TYW1B: variants seen among roughly 807,000 people sequenced by gnomAD.
The protein encoded by TYW1B is S-adenosyl-L-methionine-dependent tRNA 4-demethylwyosine synthase TYW1B.
Under a neutral mutation model 86.9 loss-of-function variants are expected in TYW1B, and 73 were observed. The observed-to-expected ratio is 0.84, with a 90% CI of 0.70 to 1.02. The LOEUF is 1.02. Ranked by LOEUF, TYW1B falls within the 50% of genes least tolerant of loss-of-function variation. The probability of loss-of-function intolerance (pLI) is 0.00; values close to 1 mark genes in which losing one functional copy is unlikely to be tolerated. For synonymous variants in TYW1B, 248 were observed against 292.8 expected (o/e 0.85, Z 1.56); for missense variants, 637 against 827.4 (o/e 0.77, Z 2.82).
chr7:72,815,292 G>C, intron 3 of TYW1B, 88 bp downstream of exon 3: 1 of 1,149,082 alleles, frequency 8.7e-7, no homozygotes, highest in Non-Finnish European at 1.2e-6. Flanking sequence ...TTATTCTGAA[G>C]ATTCTAGTTA....
intron 8 of TYW1B, among the ~76,000 whole-genome samples, chr7:72,743,368 C>T (rs1158454384): frequency 3.9e-5 from 6 of 152,212 alleles, no homozygotes; most frequent in South Asian, 4.2e-4. Flanking sequence ...GAAGGAGTGG[C>T]GTCCCCCTTC....
intron 13 of TYW1B, among the ~76,000 whole-genome samples, chr7:72,597,903 C>T (rs188645192): frequency 0.013 from 1,931 of 151,968 alleles, 11 homozygotes; most frequent in Non-Finnish European, 0.022. Context: ...GAAAACACTC[C>T]CTATCTCCTA....
intron 11 of TYW1B, among the ~76,000 whole-genome samples, chr7:72,659,270 A>G (rs1197815701): frequency 6.6e-6 from 1 of 152,190 alleles, no homozygotes; most frequent in Non-Finnish European, 1.5e-5. Context: ...TTAGATTCCA[A>G]GGTGCCAGCA....
chr7:72,620,254 G>A (rs1812181157), intron 12 of TYW1B, among the ~76,000 whole-genome samples: 1 of 151,822 alleles, frequency 6.6e-6, no homozygotes, highest in Non-Finnish European at 1.5e-5. Flanking sequence ...AAAATTGGCT[G>A]GGCGTGGTGG....
At chr7:72,749,916 T>TG (rs1165939704) in intron 7 of TYW1B, among the ~76,000 whole-genome samples, 4 of 148,738 alleles carry the variant, frequency 2.7e-5, no homozygotes, top group South Asian at 2.1e-4. Flanking sequence ...TTTTTTGTTT[T>TG]TTTTTTTTTT....
intron 9 of TYW1B, among the ~76,000 whole-genome samples, chr7:72,714,108 T>C (rs1357190963): frequency 6.6e-6 from 1 of 152,098 alleles, no homozygotes; most frequent in Non-Finnish European, 1.5e-5. Context: ...TCTTTCATGT[T>C]GATCTAAGAA....
rs1299359166 is a variant in TYW1B at position 72,728,868 on chromosome 7, C to T, written c.1146G>A (p.Leu382=). The T allele has an allele frequency of 2.5e-6, 4 of 1,613,990 alleles. No homozygotes were observed. Among genetic ancestry groups the T allele is most frequent in the East Asian group, 2.2e-5 (1 of 44,872 alleles). ...TCTGATGGTTTTCAATGGCTTCCTT[C>T]AAGATCATTTCAGGCTGGTCCATCT... is the stretch of plus-strand genomic sequence containing the variant. ...LWKMDQPEMI[L]KEAIENHQNM... is the part of the protein sequence containing the mutation. Residue 382 remains leucine (L), a synonymous_variant, in exon 9 of 14, where the codon TTG becomes TTA. Transcript: ENST00000620995.
intron 6 of TYW1B, among the ~76,000 whole-genome samples, chr7:72,791,691 C>T (rs1788222613): frequency 1.3e-5 from 2 of 152,100 alleles, no homozygotes; most frequent in African/African-American, 2.4e-5. Context: ...GCAGGAGAAT[C>T]GCTTGAACCT....
At chr7:72,615,367 C>T (rs1554436673) in intron 13 of TYW1B, among the ~76,000 whole-genome samples, 1 of 152,186 alleles carries the variant, frequency 6.6e-6, no homozygotes, top group African/African-American at 2.4e-5. Context: ...GCTGTGATTC[C>T]AGTTTGACAC....
intron 13 of TYW1B, among the ~76,000 whole-genome samples, chr7:72,591,848 C>T (rs1384020160): frequency 6.6e-6 from 1 of 151,700 alleles, no homozygotes; most frequent in Non-Finnish European, 1.5e-5. Flanking sequence ...GAGATGGAGT[C>T]TCGCTCTGTT....
chr7:72,711,127 C>T (rs186472300), intron 10 of TYW1B, among the ~76,000 whole-genome samples: 1 of 152,276 alleles, frequency 6.6e-6, no homozygotes. Context: ...AAACTTCACC[C>T]TCATACACTG....
chr7:72,785,849 G>A (rs1316704758), intron 6 of TYW1B, among the ~76,000 whole-genome samples: 4 of 151,860 alleles, frequency 2.6e-5, no homozygotes, highest in African/African-American at 4.8e-5. Context: ...TTAGTGGCTC[G>A]CACCTGTAAT....
rs184438322 is a variant in TYW1B at position 72,765,863 on chromosome 7, A to G, written c.964+11553T>C. ...CCCAATGTCATGACCAAAGATATTC[A>G]AACTACAAACCGGAAGAAAAAGTTG... On this transcript the variant is annotated intron_variant, in intron 7 of 13. Transcript: ENST00000620995. Among the ~76,000 whole-genome samples, 12 of 152,312 alleles carry G rather than the reference A, an allele frequency of 7.9e-5. No individual in the cohort carries two copies. In the East Asian group the frequency reaches 2.1e-3, roughly 27 times the overall value.
intron 11 of TYW1B, among the ~76,000 whole-genome samples, chr7:72,692,394 G>T (rs1378498942): frequency 2.0e-5 from 3 of 151,880 alleles, no homozygotes; most frequent in African/African-American, 7.3e-5. Flanking sequence ...ATGTGCCTGT[G>T]GTCCCAGTAC....
chr7:72,746,039 T>G (rs1787389049), intron 7 of TYW1B, among the ~76,000 whole-genome samples: 1 of 152,010 alleles, frequency 6.6e-6, no homozygotes, highest in South Asian at 2.1e-4. Context: ...AGTATTTGTA[T>G]TTTTTGTAGA....
At chr7:72,806,237 G>GTT (rs71517373) in intron 5 of TYW1B, among the ~76,000 whole-genome samples, 3 of 129,254 alleles carry the variant, frequency 2.3e-5, no homozygotes, top group Admixed American at 7.9e-5. Flanking sequence ...GTGTGTGTGG[G>GTT]TTTTTTTTTT....
At position 72,632,423 on chromosome 7, in the gene TYW1B, AAAAT is replaced by A. The variant is rs1326067636; in HGVS notation, c.1507-3430_1507-3427del. ...ATAATATATATATACATATATATAT[AAAAT>A]ATATATATACGTATATATATAAAAT... is the stretch of plus-strand genomic sequence containing the variant. On this transcript the variant is annotated intron_variant, in intron 11 of 13. Transcript: ENST00000620995. Among the ~76,000 whole-genome samples the A allele has an allele frequency of 5.5e-3, 533 of 97,724 alleles. 24 individuals carry two copies. The highest frequency in any genetic ancestry group is 0.026 in the African/African-American group (501 of 19,260). 64.1% of individuals were successfully genotyped at this position (97,724 alleles called of 152,430 possible). A position where few individuals can be genotyped will look rare whatever the true frequency, so the allele number is the denominator to read the frequency against.
At chr7:72,689,228 C>G (rs1490821684) in intron 11 of TYW1B, among the ~76,000 whole-genome samples, 1 of 152,080 alleles carries the variant, frequency 6.6e-6, no homozygotes. Context: ...AACCATGAAA[C>G]GGAGACGAGC....
At position 72,588,862 on chromosome 7, in the gene TYW1B, G is replaced by T. The variant is rs531206654; in HGVS notation, c.1786-13143C>A. ...GAGTCTTGCTCTGTCATCCAGGCTG[G>T]AGTACAGTGGTGCAATCTTGGCTCA... On this transcript the variant is annotated intron_variant, in intron 13 of 13. Coordinates refer to ENST00000620995, the MANE Select transcript of TYW1B (RefSeq NM_001145440.3). 5.3e-5 allele frequency among the ~76,000 whole-genome samples: 8 copies of T among 151,992 alleles called. No individual in the cohort carries two copies. The South Asian group carries it at 1.7e-3, about 32-fold the overall frequency.
Sources: allele counts gnomAD v4.1 joint callset (sites outside exome capture counted in the v4.1 genomes callset), GRCh38; gene constraint gnomAD v4.1.1; transcripts MANE v1.5; gene names NCBI Gene and HGNC (gene_info 2026-07-23, HGNC 2026-07-21).